ZNF618: variants seen among roughly 807,000 people sequenced by gnomAD.
The protein encoded by ZNF618 is zinc finger protein 618, also known as neural precursor cell expressed, developmentally down-regulated 10.
Under a neutral mutation model 103.0 loss-of-function variants are expected in ZNF618, and 34 were observed. The observed-to-expected ratio is 0.33, with a 90% confidence interval of 0.25 to 0.44. The LOEUF is 0.44. Among genes scored for constraint, ZNF618 ranks in the 20% least tolerant of loss-of-function variants. The probability of loss-of-function intolerance (pLI) is 1.00; values close to 1 mark genes in which losing one functional copy is unlikely to be tolerated. For missense variants in ZNF618, 1,059 were observed against 1,295.4 expected, an observed-to-expected ratio of 0.82 and a Z score of 2.80; for synonymous variants, 551 against 542.2, an observed-to-expected ratio of 1.02 and a Z score of -0.23.
intron 1 of ZNF618, among the ~76,000 whole-genome samples, chr9:113,901,692 G>C (rs1295686689): frequency 2.6e-5 from 4 of 152,146 alleles, no homozygotes; most frequent in Non-Finnish European, 5.9e-5. Flanking sequence ...AAACGCCACT[G>C]CTTCGTGGCT....
chr9:113,978,290 G>T (rs780203377), intron 2 of ZNF618, among the ~76,000 whole-genome samples: 5 of 152,234 alleles, frequency 3.3e-5, no homozygotes, highest in African/African-American at 1.2e-4. Context: ...CTCTCTCTCA[G>T]CTCTCCCAGG....
Position 113,876,367 on chromosome 9 carries a change from T to TGAA in ZNF618, c.-14_-13insGAA. The TGAA allele has an allele frequency of 1.6e-5, 19 of 1,193,344 alleles. No homozygotes were observed. The highest frequency in any genetic ancestry group is 2.0e-5 in the Non-Finnish European group (19 of 966,050). 73.9% of individuals were successfully genotyped at this position (1,193,344 alleles called of 1,614,324 possible). A position where few individuals can be genotyped will look rare whatever the true frequency, so the allele number is the denominator to read the frequency against. ...AGCAGGACGCGCCGGGGCCGCCTCC[T>TGAA]CCCGCACGGACCCATGAACCAGCCG... On this transcript the variant is annotated 5_prime_UTR_variant, in exon 1 of 15. Coordinates refer to ENST00000374126, the MANE Select transcript of ZNF618 (RefSeq NM_001318042.2).
chr9:113,942,694 T>A (rs1337934845), intron 1 of ZNF618, among the ~76,000 whole-genome samples: 1 of 152,220 alleles, frequency 6.6e-6, no homozygotes, highest in Non-Finnish European at 1.5e-5. Flanking sequence ...CAGGTCTCCC[T>A]TGCATTTGCT....
chr9:113,983,395 C>T (rs544035978), intron 2 of ZNF618, among the ~76,000 whole-genome samples: 6 of 152,126 alleles, frequency 3.9e-5, no homozygotes, highest in South Asian at 2.1e-4. Context: ...AAGTCGGGGG[C>T]GAGGGGAAGA....
At chr9:113,942,609 T>C (rs1016085546) in intron 1 of ZNF618, among the ~76,000 whole-genome samples, 4 of 152,176 alleles carry the variant, frequency 2.6e-5, no homozygotes, top group African/African-American at 7.2e-5. Flanking sequence ...GCTCAAGAAG[T>C]GATTTTGGAG....
At position 113,960,013 on chromosome 9, in the gene ZNF618, G is replaced by T. The variant is rs559220022; in HGVS notation, c.34-9104G>T. Among the ~76,000 whole-genome samples the T allele has an allele frequency of 1.2e-4, 19 of 152,326 alleles. No individual in the cohort carries two copies. The South Asian group carries it at 1.9e-3, about 15-fold the overall frequency. On this transcript the variant is annotated intron_variant, in intron 1 of 14. Transcript: ENST00000374126. ...CAGGTCTGTGCATGAAGGAAACGAG[G>T]CCCTCTGCACATAATCTAAGACTGG...
In ZNF618 at chr9:113,903,475, GT is replaced by G. The variant is rs11439947; in HGVS notation, c.33+27074del. ...TGTTAGCCCCAATAAATCTGCCTCT[GT>G]TTTTTTTTTTTAATCAACACTCAGT... On this transcript the variant is annotated intron_variant, in intron 1 of 14. Transcript: ENST00000374126. Among the ~76,000 whole-genome samples, 431 of 144,652 alleles carry G rather than the reference GT, an allele frequency of 3.0e-3. 2 individuals carry two copies. The highest frequency in any genetic ancestry group is 8.8e-3 in the African/African-American group (345 of 39,418). 94.9% of individuals were successfully genotyped at this position (144,652 alleles called of 152,430 possible). A position where few individuals can be genotyped will look rare whatever the true frequency, so the allele number is the denominator to read the frequency against.
intron 10 of ZNF618, among the ~76,000 whole-genome samples, chr9:114,017,373 G>C (rs929895878): frequency 6.6e-6 from 1 of 152,146 alleles, no homozygotes; most frequent in African/African-American, 2.4e-5. Flanking sequence ...CTCCCACTCT[G>C]ACTGGGAAAG....
At chr9:113,941,798 G>T (rs118083907) in intron 1 of ZNF618, among the ~76,000 whole-genome samples, 4,197 of 152,196 alleles carry the variant, frequency 0.028, 78 homozygotes, top group Middle Eastern at 0.061. Context: ...TTTAGTACTT[G>T]CACCTTTTGT....
At position 113,948,332 on chromosome 9, in the gene ZNF618, A is replaced by C. The variant is rs560162833; in HGVS notation, c.34-20785A>C. ...AGTTTCTAGGCACTCGCTAGTCAGA[A>C]GGCGGAATAGGGCAGGAAAGCAGAG... On this transcript the variant is annotated intron_variant, in intron 1 of 14. Transcript: ENST00000374126. Among the ~76,000 whole-genome samples the C allele has an allele frequency of 2.6e-5, 4 of 152,322 alleles. No individual in the cohort carries two copies. In the East Asian group the frequency reaches 5.8e-4, roughly 22 times the overall value.
At chr9:113,900,384 C>A (rs1055123362) in intron 1 of ZNF618, among the ~76,000 whole-genome samples, 1 of 152,122 alleles carries the variant, frequency 6.6e-6, no homozygotes, top group Non-Finnish European at 1.5e-5. Flanking sequence ...CTTTTAAATG[C>A]GATTAACCCT....
chr9:113,917,051 A>T (rs1355952762), intron 1 of ZNF618, among the ~76,000 whole-genome samples: 1 of 152,106 alleles, frequency 6.6e-6, no homozygotes, highest in Non-Finnish European at 1.5e-5. Flanking sequence ...CCACCAAGGC[A>T]GGAATGGAGC....
chr9:114,050,363 T>TGG lies in ZNF618; in HGVS notation c.*196_*197insGG. ...ACACAGCCACACGTGTGTGCACGTG[T>TGG]CTGAACACGTGCTGTGGTTGTGGGG... is the stretch of plus-strand genomic sequence containing the variant. On this transcript the variant is annotated 3_prime_UTR_variant, in exon 15 of 15. Coordinates refer to ENST00000374126, the MANE Select transcript of ZNF618 (RefSeq NM_001318042.2). 1.6e-6 allele frequency: 1 copy of TGG among 620,754 alleles called. No individual in the cohort carries two copies. The highest frequency in any genetic ancestry group is 2.6e-6 in the Non-Finnish European group (1 of 380,142). 38.5% of individuals were successfully genotyped at this position (620,754 alleles called of 1,614,324 possible).
At chr9:114,014,927 A>T (rs1032218034) in intron 9 of ZNF618, among the ~76,000 whole-genome samples, 9 of 152,206 alleles carry the variant, frequency 5.9e-5, no homozygotes, top group Admixed American at 5.2e-4. Flanking sequence ...GAAGATTTTG[A>T]TCCCATGAGC....
chr9:114,050,440 A>G lies in ZNF618; in HGVS notation c.*273A>G, dbSNP rs912526142. On this transcript the variant is annotated 3_prime_UTR_variant, in exon 15 of 15. Coordinates refer to ENST00000374126, the MANE Select transcript of ZNF618 (RefSeq NM_001318042.2). The stretch of plus-strand genomic sequence containing the variant: ...CCATGGCCAGAGAAACTTTGCACAC[A>G]CGCACACACACACACACACACACAC... 3.9e-4 allele frequency: 125 copies of G among 319,612 alleles called. No homozygotes were observed. The highest frequency in any genetic ancestry group is 1.8e-3 in the Middle Eastern group (2 of 1,136). The allele number at this position is 319,612 out of a possible 1,614,324, so 19.8% of individuals were successfully genotyped here. A position where few individuals can be genotyped will look rare whatever the true frequency, so the allele number is the denominator to read the frequency against.
chr9:113,910,746 C>G (rs1030715934), intron 1 of ZNF618, among the ~76,000 whole-genome samples: 3 of 152,160 alleles, frequency 2.0e-5, no homozygotes, highest in African/African-American at 7.2e-5. Context: ...CCCGTCTTCC[C>G]GTCCCAGCTG....
rs140504448 is a variant in ZNF618 at position 113,979,176 on chromosome 9, A to G, written c.78-9145A>G. 6.5e-3 allele frequency among the ~76,000 whole-genome samples: 990 copies of G among 152,276 alleles called. 8 individuals carry two copies. Among genetic ancestry groups the G allele is most frequent in the African/African-American group, 0.023 (940 of 41,556 alleles). On this transcript the variant is annotated intron_variant, in intron 2 of 14. Coordinates refer to ENST00000374126, the MANE Select transcript of ZNF618 (RefSeq NM_001318042.2). The stretch of plus-strand genomic sequence containing the variant: ...AGATTTGGAGTTCTAACAGGGCAGG[A>G]GCCTGTTAGAAGCAAAGAGGAGCGT...
At chr9:113,984,671 G>A (rs972333463) in intron 2 of ZNF618, among the ~76,000 whole-genome samples, 3 of 152,206 alleles carry the variant, frequency 2.0e-5, no homozygotes, top group East Asian at 1.9e-4. Flanking sequence ...GAAGAAAGCC[G>A]AGGTAAGGGA....
chr9:114,043,636 T>C (rs1845405290), intron 13 of ZNF618, among the ~76,000 whole-genome samples: 1 of 152,220 alleles, frequency 6.6e-6, no homozygotes, highest in East Asian at 1.9e-4. Context: ...CTGTTTTCCA[T>C]AGTGGTTGTG....
Sources: gnomAD v4.1 joint callset for allele counts (sites outside exome capture counted in the v4.1 genomes callset) on GRCh38, gnomAD v4.1.1 for gene constraint, MANE v1.5 for transcripts, NCBI Gene and HGNC (gene_info 2026-07-23, HGNC 2026-07-21) for gene names.